The following PKHD1 variants were observed in gnomAD, a reference collection of about 807,000 sequenced individuals.
The protein encoded by PKHD1 is PKHD1 ciliary IPT domain containing fibrocystin/polyductin.
In PKHD1, 291 loss-of-function variants were observed where a neutral mutation model predicts 412.0. The observed-to-expected ratio is 0.71, with a 90% CI of 0.64 to 0.78. The LOEUF is 0.78. Among genes scored for constraint, PKHD1 ranks in the 30% least tolerant of loss-of-function variants. The pLI is 0.00. For synonymous variants in PKHD1, 1,777 were observed against 1,821.5 expected (o/e 0.98, Z 0.62); for missense variants, 4,825 against 4,950.7 (o/e 0.97, Z 0.76).
intron 4 of PKHD1, among the ~76,000 whole-genome samples, chr6:52,081,912 CAAG>C (rs1383196307): frequency 1.3e-5 from 2 of 151,992 alleles, no homozygotes; most frequent in African/African-American, 4.8e-5. Context: ...CACAGGGCAA[CAAG>C]AAGTTGAGTA....
intron 55 of PKHD1, among the ~76,000 whole-genome samples, chr6:51,763,176 A>G (rs1017748187): frequency 3.3e-5 from 5 of 152,240 alleles, no homozygotes; most frequent in African/African-American, 1.2e-4. Flanking sequence ...TAGCTTTATG[A>G]ACTTGGAACA....
chr6:51,919,476 C>T (rs1342821058), intron 37 of PKHD1, among the ~76,000 whole-genome samples: 1 of 152,096 alleles, frequency 6.6e-6, no homozygotes. Flanking sequence ...CTGTTCTGTT[C>T]CATTGGTCTA....
chr6:51,707,632 T>A (rs1780165318), intron 60 of PKHD1, among the ~76,000 whole-genome samples: 2 of 152,128 alleles, frequency 1.3e-5, no homozygotes, highest in South Asian at 4.1e-4. Flanking sequence ...TAAAATGTTT[T>A]ACTCTCACCA....
intron 52 of PKHD1, among the ~76,000 whole-genome samples, chr6:51,804,500 T>C (rs1482039503): frequency 2.0e-5 from 3 of 147,010 alleles, no homozygotes; most frequent in African/African-American, 8.2e-5. Flanking sequence ...ACTTGCTCTA[T>C]ACCTGTCACT....
At chr6:51,896,389 C>A (rs1015459658) in intron 43 of PKHD1, among the ~76,000 whole-genome samples, 10 of 152,168 alleles carry the variant, frequency 6.6e-5, no homozygotes, top group African/African-American at 1.4e-4. Flanking sequence ...GGGAGGCACC[C>A]CCCAACAGGG....
chr6:52,009,913 TG>T, intron 35 of PKHD1, among the ~76,000 whole-genome samples: 1 of 152,128 alleles, frequency 6.6e-6, no homozygotes, highest in South Asian at 2.1e-4. Context: ...CTGCAGACAT[TG>T]CTGTCCCGCC....
intron 53 of PKHD1, among the ~76,000 whole-genome samples, chr6:51,784,082 T>A (rs942281062): frequency 6.6e-6 from 1 of 152,218 alleles, no homozygotes; most frequent in African/African-American, 2.4e-5. Flanking sequence ...GGTTATAAAA[T>A]GTTCTGATTA....
chr6:52,079,212 A>G (rs1811709473), intron 5 of PKHD1, among the ~76,000 whole-genome samples: 1 of 152,176 alleles, frequency 6.6e-6, no homozygotes, highest in South Asian at 2.1e-4. Flanking sequence ...ACCAAATATA[A>G]ATGAACTCCC....
rs371248851 is a variant in PKHD1, at chr6:51,854,456, G to A, written c.7911+1437C>T. Among the ~76,000 whole-genome samples the A allele has an allele frequency of 2.3e-4, 35 of 152,270 alleles. No homozygotes were observed. The East Asian group carries it at 5.0e-3, about 22-fold the overall frequency. Reference sequence around the variant, plus strand: ...CAACAAAGCACTTTGTCCCTTGGTGGAGAGGGTGTGTTTCACTGGGGGGAA... The same window carrying A: ...CAACAAAGCACTTTGTCCCTTGGTGAAGAGGGTGTGTTTCACTGGGGGGAA... On this transcript the variant is annotated intron_variant, in intron 49 of 66. Transcript: ENST00000371117.
intron 45 of PKHD1, among the ~76,000 whole-genome samples, chr6:51,884,965 T>C (rs971155399): frequency 6.6e-6 from 1 of 152,238 alleles, no homozygotes; most frequent in African/African-American, 2.4e-5. Context: ...CCTAATTGTA[T>C]ATTTTTGGGC....
chr6:52,077,672 T>G (rs968460370), intron 5 of PKHD1, among the ~76,000 whole-genome samples: 5 of 152,202 alleles, frequency 3.3e-5, no homozygotes, highest in African/African-American at 1.2e-4. Context: ...TTGATCCATA[T>G]GCTGTATAGT....
chr6:51,685,961 C>G (rs756241750), intron 60 of PKHD1, among the ~76,000 whole-genome samples: 4 of 152,192 alleles, frequency 2.6e-5, no homozygotes, highest in African/African-American at 7.2e-5. Flanking sequence ...TACCTGCTGT[C>G]TAACCCAGAA....
chr6:51,886,048 A>G lies in PKHD1; in HGVS notation c.7110-76T>C, dbSNP rs1562532787. 9 of 886,364 alleles carry G rather than the reference A, an allele frequency of 1.0e-5. No individual in the cohort carries two copies. The East Asian group carries it at 2.0e-4, about 20-fold the overall frequency. 54.9% of individuals were successfully genotyped at this position (886,364 alleles called of 1,614,324 possible). ...TCTACTTTTTCTTGTTGAAAAATAC[A>G]AAGTAAAAGTAATGTATTAGGGAGA... On this transcript the variant is annotated intron_variant, in intron 44 of 66. Transcript: ENST00000371117.
chr6:51,681,686 C>A (rs1776684437), intron 60 of PKHD1, among the ~76,000 whole-genome samples: 1 of 151,912 alleles, frequency 6.6e-6, no homozygotes, highest in Admixed American at 6.6e-5. Flanking sequence ...ACTAGTGTCC[C>A]TTTTGGGCCA....
chr6:51,740,556 C>T (rs550380479), intron 60 of PKHD1, among the ~76,000 whole-genome samples: 3 of 152,268 alleles, frequency 2.0e-5, no homozygotes, highest in Non-Finnish European at 1.5e-5. Context: ...AGCTGCATTG[C>T]TTTCTCTGAT....
chr6:51,807,458 A>T (rs1443905123), intron 52 of PKHD1, among the ~76,000 whole-genome samples: 12,193 of 49,264 alleles, frequency 0.25, 1,293 homozygotes, highest in African/African-American at 0.35. Flanking sequence ...AAAAAAAAAA[A>T]ATATATATAT....
At chr6:51,704,904 G>A (rs1779834895) in intron 60 of PKHD1, among the ~76,000 whole-genome samples, 1 of 151,950 alleles carries the variant, frequency 6.6e-6, no homozygotes, top group African/African-American at 2.4e-5. Flanking sequence ...GGCAGTTAAA[G>A]ACAAACTTTA....
chr6:51,641,471 G>GGAA (rs1292227205), intron 63 of PKHD1, among the ~76,000 whole-genome samples: 1 of 152,172 alleles, frequency 6.6e-6, no homozygotes, highest in Non-Finnish European at 1.5e-5. Flanking sequence ...CAACCATTGT[G>GGAA]GAAGACAGTG....
intron 52 of PKHD1, among the ~76,000 whole-genome samples, chr6:51,819,320 T>G (rs1765996293): frequency 6.6e-6 from 1 of 152,236 alleles, no homozygotes; most frequent in African/African-American, 2.4e-5. Flanking sequence ...AGTCCAAAAT[T>G]TTTCAAATTT....
Sources: gnomAD v4.1 joint callset for allele counts (sites outside exome capture counted in the v4.1 genomes callset) on GRCh38, gnomAD v4.1.1 for gene constraint, MANE v1.5 for transcripts, NCBI Gene and HGNC (gene_info 2026-07-23, HGNC 2026-07-21) for gene names.